Variants in TENM3 observed in about 807,000 individuals in gnomAD.
TENM3 encodes teneurin transmembrane protein 3.
In TENM3, 63 loss-of-function variants were observed where a neutral mutation model predicts 255.1. The observed-to-expected ratio is 0.25, with a 90% CI of 0.20 to 0.30. TENM3 has a LOEUF of 0.30. Ranked by LOEUF, TENM3 falls within the 10% of genes least tolerant of loss-of-function variation. The pLI, the probability that TENM3 is intolerant of heterozygous loss-of-function variation, is 1.00. For synonymous variants in TENM3, 1,306 were observed against 1,322.3 expected, an observed-to-expected ratio of 0.99 and a Z score of 0.27; for missense variants, 2,929 against 3,461.1, an observed-to-expected ratio of 0.85 and a Z score of 3.86.
the TENM3 span, among the ~76,000 whole-genome samples, chr4:182,044,525 C>T: frequency 6.6e-6 from 1 of 152,208 alleles, no homozygotes; most frequent in African/African-American, 2.4e-5. Flanking sequence ...AAAAAGGGCA[C>T]TGAGAAGAAA....
chr4:182,672,054 C>T (rs1179354386), intron 6 of TENM3, among the ~76,000 whole-genome samples: 1 of 152,090 alleles, frequency 6.6e-6, no homozygotes, highest in Admixed American at 6.6e-5. Context: ...CTTCTGGACC[C>T]GTCTGCATAA....
chr4:181,896,246 A>C, the TENM3 span, among the ~76,000 whole-genome samples: 1 of 152,148 alleles, frequency 6.6e-6, no homozygotes, highest in Non-Finnish European at 1.5e-5. Flanking sequence ...AAAGCTAGAG[A>C]ATTTGTTCAA....
At chr4:182,366,370 A>G (rs923205231) in intron 3 of TENM3, among the ~76,000 whole-genome samples, 5 of 151,752 alleles carry the variant, frequency 3.3e-5, no homozygotes, top group African/African-American at 1.2e-4. Flanking sequence ...TACAAATATA[A>G]TTATATTTTT....
At chr4:182,655,352 A>G (rs1456036936) in intron 6 of TENM3, among the ~76,000 whole-genome samples, 3 of 152,198 alleles carry the variant, frequency 2.0e-5, no homozygotes, top group Admixed American at 2.0e-4. Context: ...TGGATATTGT[A>G]TTTATTTTAC....
At chr4:182,503,779 TATG>T (rs1158484468) in intron 3 of TENM3, among the ~76,000 whole-genome samples, 1 of 152,058 alleles carries the variant, frequency 6.6e-6, no homozygotes, top group Non-Finnish European at 1.5e-5. Flanking sequence ...GCATGGGAAA[TATG>T]ATGAGGAAAG....
In TENM3 at chr4:182,799,752, A is replaced by G; in HGVS notation, c.7501A>G (p.Met2501Val). 6.4e-7 allele frequency: 1 copy of G among 1,570,408 alleles called. No homozygotes were observed. Among genetic ancestry groups the G allele is most frequent in the Non-Finnish European group, 8.6e-7 (1 of 1,159,078 alleles). ...CAAGTCGCTGATCGGCAAGGGCGTC[A>G]TGCTGGCCGTCAGCCAGGGCCGCGT... ...TVKSLIGKGVMLAVSQGRVQT... is the reference protein window; with the variant it reads ...TVKSLIGKGVVLAVSQGRVQT... The change falls in exon 28 of 28, where the codon ATG (methionine) becomes GTG (valine). Residue 2501 changes from methionine (M) to valine (V), a missense_variant. Met to Val is a conservative substitution (Grantham distance 21). Coordinates refer to ENST00000511685, the MANE Select transcript of TENM3 (RefSeq NM_001080477.4). The surrounding 1 kb of genome is among the most constrained non-coding windows in gnomAD (Gnocchi z 4.2).
chr4:181,757,808 C>A, the TENM3 span, among the ~76,000 whole-genome samples: 1 of 152,150 alleles, frequency 6.6e-6, no homozygotes, highest in African/African-American at 2.4e-5. Context: ...AGGGCAAACA[C>A]AATCATTCCA....
At chr4:182,101,109 A>AAGAAG in the TENM3 span, among the ~76,000 whole-genome samples, 18 of 51,120 alleles carry the variant, frequency 3.5e-4, no homozygotes, top group Non-Finnish European at 5.1e-4. Flanking sequence ...GGAGGGAGGA[A>AAGAAG]GGAAAGAAGG....
the TENM3 span, among the ~76,000 whole-genome samples, chr4:181,626,866 C>T: frequency 6.6e-6 from 1 of 152,072 alleles, no homozygotes; most frequent in Non-Finnish European, 1.5e-5. Context: ...CTAAGTGTTG[C>T]GTGAAAAATA....
At chr4:181,648,200 G>A in the TENM3 span, among the ~76,000 whole-genome samples, 1 of 152,060 alleles carries the variant, frequency 6.6e-6, no homozygotes, top group East Asian at 1.9e-4. Flanking sequence ...TATTATGTCC[G>A]CACGCTGCTC....
At chr4:182,235,173 G>A (rs1756817514) in intron 1 of TENM3, among the ~76,000 whole-genome samples, 1 of 152,186 alleles carries the variant, frequency 6.6e-6, no homozygotes, top group African/African-American at 2.4e-5. Flanking sequence ...AGGAAACATA[G>A]TTGTTGGGAT....
the TENM3 span, among the ~76,000 whole-genome samples, chr4:181,923,765 G>T: frequency 3.3e-5 from 5 of 152,108 alleles, no homozygotes; most frequent in Non-Finnish European, 7.4e-5. Context: ...AATACAGCGA[G>T]GAAGTAGATC....
At chr4:181,518,197 G>A in the TENM3 span, among the ~76,000 whole-genome samples, 1 of 152,052 alleles carries the variant, frequency 6.6e-6, no homozygotes, top group South Asian at 2.1e-4. Flanking sequence ...GTTCCAGACT[G>A]GTGAGTAAAC....
the TENM3 span, among the ~76,000 whole-genome samples, chr4:181,794,862 C>T: frequency 6.6e-6 from 1 of 152,128 alleles, no homozygotes; most frequent in Non-Finnish European, 1.5e-5. Flanking sequence ...TGCAAGTGGT[C>T]TCAGGTTACT....
At chr4:182,043,187 G>C in the TENM3 span, among the ~76,000 whole-genome samples, 1 of 152,102 alleles carries the variant, frequency 6.6e-6, no homozygotes. Context: ...TGCCCAGTGA[G>C]TAATTAATCA....
chr4:181,555,629 T>C, the TENM3 span, among the ~76,000 whole-genome samples: 12 of 152,206 alleles, frequency 7.9e-5, no homozygotes, highest in African/African-American at 2.2e-4. Context: ...AATTACGAGA[T>C]ACAGAAAAGG....
At chr4:182,198,936 A>G (rs1266049145) in intron 1 of TENM3, among the ~76,000 whole-genome samples, 2 of 152,180 alleles carry the variant, frequency 1.3e-5, no homozygotes, top group Non-Finnish European at 2.9e-5. Context: ...TTATAACTGA[A>G]AAAAGTTCTT....
Position 182,794,260 on chromosome 4 carries a change from TGA to T in TENM3, c.7213+377_7213+378del, listed in dbSNP as rs200382221. On this transcript the variant is annotated intron_variant, in intron 26 of 27. Transcript: ENST00000511685. ...CTCTGTAAGCAAGCCATATGTTTTTTGAGTTTCCATTCCCTTAACTATAAAAT... is the reference window on the plus strand; with the variant it reads ...CTCTGTAAGCAAGCCATATGTTTTTTGTTTCCATTCCCTTAACTATAAAAT... Among the ~76,000 whole-genome samples, 1,225 of 152,354 alleles carry T rather than the reference TGA, an allele frequency of 8.0e-3. 26 individuals carry two copies. The highest frequency in any genetic ancestry group is 0.04 in the East Asian group (207 of 5,192).
the TENM3 span, among the ~76,000 whole-genome samples, chr4:181,780,882 C>T: frequency 6.6e-6 from 1 of 152,144 alleles, no homozygotes; most frequent in Non-Finnish European, 1.5e-5. Context: ...ATAGGGAATC[C>T]TTTCCCCATT....
Sources: allele counts gnomAD v4.1 joint callset (sites outside exome capture counted in the v4.1 genomes callset), GRCh38; gene constraint gnomAD v4.1.1; non-coding constraint Gnocchi (gnomAD v3.1); transcripts MANE v1.5; gene names NCBI Gene and HGNC (gene_info 2026-07-23, HGNC 2026-07-21).